The following DLGAP1 variants were observed in gnomAD, a reference collection of about 807,000 sequenced individuals.
DLGAP1 encodes the protein DLG associated protein 1.
In DLGAP1, 11 loss-of-function variants were observed where a neutral mutation model predicts 90.8. That is an observed-to-expected ratio of 0.12 (90% CI 0.08 to 0.20). DLGAP1 has a LOEUF of 0.20. Among genes scored for constraint, DLGAP1 ranks in the 10% least tolerant of loss-of-function variants. The pLI, the probability that DLGAP1 is intolerant of heterozygous loss-of-function variation, is 1.00. For missense variants in DLGAP1, 1,050 were observed against 1,333.8 expected, an observed-to-expected ratio of 0.79 and a Z score of 3.31; for synonymous variants, 558 against 540.7, an observed-to-expected ratio of 1.03 and a Z score of -0.44.
At chr18:3,507,882 A>C (rs1475441825) in intron 11 of DLGAP1, among the ~76,000 whole-genome samples, 1 of 151,810 alleles carries the variant, frequency 6.6e-6, no homozygotes, top group Non-Finnish European at 1.5e-5. Flanking sequence ...GATTATAGGC[A>C]CCTGCCACCA....
At chr18:4,042,665 C>T (rs72869583) in intron 2 of DLGAP1, among the ~76,000 whole-genome samples, 17,052 of 152,126 alleles carry the variant, frequency 0.11, 1,297 homozygotes, top group South Asian at 0.34. Context: ...GCTTGAACCT[C>T]GGAGGCGAAG....
chr18:4,004,569 A>T (rs1200068832), intron 3 of DLGAP1, among the ~76,000 whole-genome samples: 1 of 152,216 alleles, frequency 6.6e-6, no homozygotes, highest in African/African-American at 2.4e-5. Context: ...AAAAACAAAA[A>T]AGAAAAACTA....
rs16945927 is a variant in DLGAP1, at chr18:4,041,377, T to C, written c.-158-36176A>G. 6.6e-4 allele frequency among the ~76,000 whole-genome samples: 100 copies of C among 152,344 alleles called. 1 individual carries two copies. Among genetic ancestry groups the C allele is most frequent in the African/African-American group, 2.3e-3 (95 of 41,584 alleles). ...AAAATATTCCCAGGCAGGCTACAGT[T>C]ACAGAGGTCAGATTGTTACAAAGTT... On this transcript the variant is annotated intron_variant, in intron 2 of 12. Coordinates refer to ENST00000315677, the MANE Select transcript of DLGAP1 (RefSeq NM_004746.4).
intron 5 of DLGAP1, among the ~76,000 whole-genome samples, chr18:3,806,713 C>T (rs114138712): frequency 0.033 from 5,066 of 152,312 alleles, 99 homozygotes; most frequent in South Asian, 0.062. Context: ...AAAGAGAAGC[C>T]GTCCTGGAAG....
chr18:3,780,489 T>G (rs762575509), intron 5 of DLGAP1, among the ~76,000 whole-genome samples: 9 of 151,292 alleles, frequency 5.9e-5, no homozygotes, highest in Non-Finnish European at 8.8e-5. Flanking sequence ...TTCCTCCATA[T>G]GCAAAGCCGG....
chr18:3,706,824 A>G (rs1330523093), intron 7 of DLGAP1, among the ~76,000 whole-genome samples: 2 of 152,180 alleles, frequency 1.3e-5, no homozygotes, highest in African/African-American at 2.4e-5. Flanking sequence ...AGGAAAGCAC[A>G]CAGCCCTAAA....
At chr18:3,566,208 A>G (rs2054419731) in intron 9 of DLGAP1, among the ~76,000 whole-genome samples, 1 of 152,150 alleles carries the variant, frequency 6.6e-6, no homozygotes, top group Non-Finnish European at 1.5e-5. Flanking sequence ...AATTTAACTC[A>G]AGCCCCAAGA....
intron 1 of DLGAP1, among the ~76,000 whole-genome samples, chr18:4,444,540 G>A (rs1298007129): frequency 1.3e-5 from 2 of 152,250 alleles, no homozygotes; most frequent in East Asian, 3.9e-4. Flanking sequence ...CAAAGTCCAG[G>A]TTGCTCAGTA....
chr18:4,430,165 G>A (rs566566513), intron 1 of DLGAP1, among the ~76,000 whole-genome samples: 5 of 152,194 alleles, frequency 3.3e-5, no homozygotes, highest in Non-Finnish European at 7.4e-5. Flanking sequence ...CAATGTTGCT[G>A]ATGATGTTCT....
At chr18:3,706,169 T>G (rs949356380) in intron 7 of DLGAP1, among the ~76,000 whole-genome samples, 1 of 151,764 alleles carries the variant, frequency 6.6e-6, no homozygotes, top group African/African-American at 2.4e-5. Context: ...GTTAACTTTT[T>G]GTATTTTTAG....
chr18:3,579,265 C>A (rs1332960485), intron 8 of DLGAP1, among the ~76,000 whole-genome samples: 1 of 152,228 alleles, frequency 6.6e-6, no homozygotes, highest in Admixed American at 6.5e-5. Flanking sequence ...GACTTGTGTG[C>A]AATGGCATGA....
intron 1 of DLGAP1, among the ~76,000 whole-genome samples, chr18:4,335,258 G>T (rs913678608): frequency 6.6e-6 from 1 of 151,926 alleles, no homozygotes; most frequent in African/African-American, 2.4e-5. Context: ...CGAAGAATGA[G>T]CAGAAACAGT....
chr18:4,052,964 A>G (rs1282088685), intron 2 of DLGAP1, among the ~76,000 whole-genome samples: 1 of 152,124 alleles, frequency 6.6e-6, no homozygotes, highest in African/African-American at 2.4e-5. Context: ...CCATATCGCT[A>G]TCAGCATTTT....
At chr18:3,658,171 G>A (rs868130008) in intron 7 of DLGAP1, among the ~76,000 whole-genome samples, 1 of 152,150 alleles carries the variant, frequency 6.6e-6, no homozygotes. Flanking sequence ...CCAGCATGTA[G>A]TATTTCCACC....
intron 1 of DLGAP1, among the ~76,000 whole-genome samples, chr18:4,278,400 A>C (rs2079467295): frequency 6.6e-6 from 1 of 152,150 alleles, no homozygotes; most frequent in Non-Finnish European, 1.5e-5. Context: ...ACTAGTGTAC[A>C]TTGTACCCAC....
intron 7 of DLGAP1, among the ~76,000 whole-genome samples, chr18:3,615,701 T>C (rs2057833364): frequency 4.6e-5 from 7 of 152,190 alleles, no homozygotes; most frequent in Admixed American, 4.6e-4. Flanking sequence ...AGTCTGTCTC[T>C]GTAGGCAACT....
At chr18:3,831,661 T>A (rs1473414476) in intron 4 of DLGAP1, among the ~76,000 whole-genome samples, 1 of 152,230 alleles carries the variant, frequency 6.6e-6, no homozygotes, top group Non-Finnish European at 1.5e-5. Context: ...GAATGTAAAT[T>A]ACAGCTTATA....
chr18:4,211,597 C>T (rs781760305), intron 1 of DLGAP1, among the ~76,000 whole-genome samples: 7 of 152,002 alleles, frequency 4.6e-5, no homozygotes, highest in Non-Finnish European at 7.4e-5. Context: ...TCCAATAAGA[C>T]GAGTACATAT....
intron 1 of DLGAP1, among the ~76,000 whole-genome samples, chr18:4,345,989 G>C (rs1386562198): frequency 1.3e-5 from 2 of 152,160 alleles, no homozygotes; most frequent in Non-Finnish European, 2.9e-5. Context: ...TTTCAAGAAG[G>C]TGTCCCGGGG....
Sources: gnomAD v4.1 joint callset for allele counts (sites outside exome capture counted in the v4.1 genomes callset) on GRCh38, gnomAD v4.1.1 for gene constraint, MANE v1.5 for transcripts, NCBI Gene and HGNC (gene_info 2026-07-23, HGNC 2026-07-21) for gene names.